Variants in ZCCHC8 observed in about 807,000 individuals in gnomAD.
ZCCHC8 encodes the protein zinc finger CCHC-type containing 8.
A neutral mutation model predicts 70.6 loss-of-function variants in ZCCHC8; 27 were observed. The ratio of observed to expected loss-of-function variants is 0.38; its 90% CI spans 0.28 to 0.53. ZCCHC8 has a LOEUF of 0.53. Ranked by LOEUF, ZCCHC8 falls within the 20% of genes least tolerant of loss-of-function variation. ZCCHC8 has a pLI of 0.81. For synonymous variants in ZCCHC8, 293 were observed against 317.4 expected (o/e 0.92, Z 0.82); for missense variants, 737 against 876.9 (o/e 0.84, Z 2.01).
Position 122,498,854 on chromosome 12 carries a change from C to T in ZCCHC8, c.215G>A (p.Arg72Gln), listed in dbSNP as rs1593338023. 3.1e-6 allele frequency: 5 copies of T among 1,613,342 alleles called. No individual in the cohort carries two copies. Among genetic ancestry groups the T allele is most frequent in the East Asian group, 2.2e-5 (1 of 44,788 alleles). ...QLRAENQELK[R>Q]KLNILTRPSG... The stretch of plus-strand genomic sequence containing the variant: ...CGGTCGAGTCAGAATGTTCAATTTT[C>T]GTTTAAGTTCTTGATGTTATTATTT... Residue 72 changes from arginine to glutamine, a missense_variant, in exon 2 of 14, where the codon CGA becomes CAA. Physicochemically the swap from Arg to Gln is conservative, Grantham distance 43. Coordinates refer to ENST00000633063, the MANE Select transcript of ZCCHC8 (RefSeq NM_017612.5).
chr12:122,491,596 A>G (rs983448854), intron 3 of ZCCHC8, among the ~76,000 whole-genome samples: 7 of 151,030 alleles, frequency 4.6e-5, no homozygotes, highest in Non-Finnish European at 7.4e-5. Flanking sequence ...TGGGAGGCCG[A>G]GATGGGTGGA....
intron 2 of ZCCHC8, among the ~76,000 whole-genome samples, chr12:122,494,061 T>C (rs924187534): frequency 3.3e-5 from 5 of 152,322 alleles, no homozygotes; most frequent in East Asian, 1.9e-4. Flanking sequence ...TAAAAAAGTA[T>C]ACTATTCCTG....
rs1200474022 is a variant in ZCCHC8 at position 122,473,733 on chromosome 12, C to G, written c.1888G>C (p.Val630Leu). 1 of 1,613,748 alleles carries G rather than the reference C, an allele frequency of 6.2e-7. No individual in the cohort carries two copies. Among genetic ancestry groups the G allele is most frequent in the African/African-American group, 1.3e-5 (1 of 74,874 alleles). ...CCATTGCTGATGTCACAGTTTGGTA[C>G]GACACTGCCATTATCAAGAAGGGCA... ...EGALLDNGSV[V>L]PNCDISNGGS... The change falls in exon 14 of 14, where the codon GTA becomes CTA. Residue 630 changes from valine to leucine, a missense_variant. Transcript: ENST00000633063.
intron 5 of ZCCHC8, among the ~76,000 whole-genome samples, chr12:122,485,408 C>T (rs1435404560): frequency 1.3e-5 from 2 of 152,230 alleles, no homozygotes; most frequent in African/African-American, 4.8e-5. Flanking sequence ...GCCACTGCGC[C>T]TGGCCTAAGT....
chr12:122,490,300 T>G (rs539823446), intron 4 of ZCCHC8, among the ~76,000 whole-genome samples, 162 bp downstream of exon 4: 1 of 152,328 alleles, frequency 6.6e-6, no homozygotes, highest in African/African-American at 2.4e-5. Flanking sequence ...AAGAACGCTG[T>G]GTGGCTAAAC....
intron 13 of ZCCHC8, among the ~76,000 whole-genome samples, chr12:122,477,620 T>TAA (rs199529321): frequency 4.5e-4 from 63 of 138,824 alleles, no homozygotes; most frequent in Non-Finnish European, 6.4e-4. Context: ...CTGTCTCTAC[T>TAA]AAAAAAAAAA....
intron 2 of ZCCHC8, 39 bp downstream of exon 2, chr12:122,498,788 A>G: frequency 6.3e-7 from 1 of 1,590,386 alleles, no homozygotes; most frequent in Non-Finnish European, 8.6e-7. Context: ...AGGATAAATA[A>G]TAAGGGACAA....
chr12:122,499,440 G>C (rs920271205), intron 1 of ZCCHC8: 1 of 154,236 alleles, frequency 6.5e-6, no homozygotes, highest in African/African-American at 2.4e-5. Flanking sequence ...GGCTAATTTT[G>C]TATTTTTAGT....
chr12:122,480,523 G>A lies in ZCCHC8; in HGVS notation c.1019-212C>T, dbSNP rs1444665901. Reference sequence around the variant, plus strand: ...GGTCTTGCTTTGTCACCAGGCTGGAGTGCAGTGGCACCATCTTGGCTCACT... The same window carrying A: ...GGTCTTGCTTTGTCACCAGGCTGGAATGCAGTGGCACCATCTTGGCTCACT... On this transcript the variant is annotated intron_variant, in intron 10 of 13. Transcript: ENST00000633063. 7.8e-6 allele frequency: 3 copies of A among 386,790 alleles called. No individual in the cohort carries two copies. In the East Asian group the frequency reaches 1.5e-4, roughly 19 times the overall value. 24.0% of individuals were successfully genotyped at this position (386,790 alleles called of 1,614,324 possible).
At position 122,492,769 on chromosome 12, in the gene ZCCHC8, G is replaced by C. The variant is rs1366100893; in HGVS notation, c.263C>G (p.Thr88Ser). Residue 88 changes from threonine to serine, a missense_variant, in exon 3 of 14, where the codon ACT (threonine) becomes AGT (serine). Coordinates refer to ENST00000633063, the MANE Select transcript of ZCCHC8 (RefSeq NM_017612.5). ...TRPSGILVND[T>S]KLDGPILQIL... ...CTGTAATATAGGTCCATCTAACTTA[G>C]TATCGTTCACCAATATTCCACTAAA... 1 of 1,546,736 alleles carries C rather than the reference G, an allele frequency of 6.5e-7. No homozygotes were observed. Among genetic ancestry groups the C allele is most frequent in the Non-Finnish European group, 8.8e-7 (1 of 1,140,328 alleles).
chr12:122,496,019 T>C (rs960569847), intron 2 of ZCCHC8, among the ~76,000 whole-genome samples: 1 of 151,850 alleles, frequency 6.6e-6, no homozygotes, highest in African/African-American at 2.4e-5. Context: ...ATACAAAAGT[T>C]AGCCAGGTGT....
rs1957538703 is a variant in ZCCHC8, at chr12:122,481,676, T to C, written c.876-12A>G. On this transcript the variant is annotated splice_polypyrimidine_tract_variant and intron_variant, in intron 9 of 13. Coordinates refer to ENST00000633063, the MANE Select transcript of ZCCHC8 (RefSeq NM_017612.5). ...CTTGAAGTTCCTCACTAAGTAAAAA[T>C]AAAGGAGGAAGAAAAATACTGAATT... The C allele has an allele frequency of 3.1e-6, 5 of 1,607,198 alleles. No individual in the cohort carries two copies. The highest frequency in any genetic ancestry group is 4.2e-6 in the Non-Finnish European group (5 of 1,177,746).
chr12:122,497,464 C>G (rs552831016), intron 2 of ZCCHC8, among the ~76,000 whole-genome samples: 2 of 152,118 alleles, frequency 1.3e-5, no homozygotes, highest in African/African-American at 4.8e-5. Flanking sequence ...ATTGCTTGAA[C>G]CCGGGAGGTG....
chr12:122,473,370 A>T lies in ZCCHC8; in HGVS notation c.*127T>A. 9.0e-7 allele frequency: 1 copy of T among 1,105,186 alleles called. No homozygotes were observed. Among genetic ancestry groups the T allele is most frequent in the South Asian group, 1.7e-5 (1 of 58,008 alleles). 68.5% of individuals were successfully genotyped at this position (1,105,186 alleles called of 1,614,324 possible). On this transcript the variant is annotated 3_prime_UTR_variant, in exon 14 of 14. Transcript: ENST00000633063. ...TCTTTAAAATAGGCTTGACTTTGGAACATGAACCTTGGATAGATTTTTAAA... is the reference window on the plus strand; with the variant it reads ...TCTTTAAAATAGGCTTGACTTTGGATCATGAACCTTGGATAGATTTTTAAA...
At chr12:122,486,614 G>A (rs1957646740) in intron 5 of ZCCHC8, among the ~76,000 whole-genome samples, 1 of 151,762 alleles carries the variant, frequency 6.6e-6, no homozygotes, top group South Asian at 2.1e-4. Flanking sequence ...CTGTTGCCCA[G>A]GCTGGAGTGA....
At chr12:122,478,815 T>C (rs1353155650) in intron 11 of ZCCHC8, among the ~76,000 whole-genome samples, 1 of 152,144 alleles carries the variant, frequency 6.6e-6, no homozygotes, top group East Asian at 1.9e-4. Flanking sequence ...ACATACAGGT[T>C]CTAGGTTTTG....
chr12:122,475,591 G>A (rs1274126335), intron 13 of ZCCHC8, among the ~76,000 whole-genome samples: 6 of 152,180 alleles, frequency 3.9e-5, no homozygotes, highest in African/African-American at 1.2e-4. Context: ...TCTCTGGGGT[G>A]CATGCTCTCC....
chr12:122,487,384 C>T (rs1200260236), intron 5 of ZCCHC8, among the ~76,000 whole-genome samples: 3 of 152,214 alleles, frequency 2.0e-5, no homozygotes, highest in African/African-American at 7.2e-5. Flanking sequence ...GCAAGTGCCA[C>T]TTTCAATCCC....
intron 11 of ZCCHC8, among the ~76,000 whole-genome samples, chr12:122,478,770 G>C (rs1957473432): frequency 6.6e-6 from 1 of 152,052 alleles, no homozygotes; most frequent in South Asian, 2.1e-4. Context: ...ATTCAACAGT[G>C]GTTCTCGGTA....
Sources: gnomAD v4.1 joint callset for allele counts (sites outside exome capture counted in the v4.1 genomes callset) on GRCh38, gnomAD v4.1.1 for gene constraint, MANE v1.5 for transcripts, NCBI Gene and HGNC (gene_info 2026-07-23, HGNC 2026-07-21) for gene names.